The following RNF146 variants were observed in gnomAD, a reference collection of about 807,000 sequenced individuals.
The protein encoded by RNF146 is ring finger protein 146, also known as E3 ubiquitin-protein ligase RNF146.
RNF146 carries 11 observed loss-of-function variants against 29.7 expected under a neutral mutation model. The ratio of observed to expected loss-of-function variants is 0.37; its 90% confidence interval spans 0.23 to 0.61. The LOEUF (loss-of-function observed/expected upper bound fraction) is 0.61. RNF146 is among the 20% of genes least tolerant of loss of function. The probability of loss-of-function intolerance (pLI) is 0.66; values close to 1 mark genes in which losing one functional copy is unlikely to be tolerated. For synonymous variants in RNF146, 150 were observed against 159.7 expected (o/e 0.94, Z 0.46); for missense variants, 342 against 438.9 (o/e 0.78, Z 1.97).
chr6:127,286,952 G>A lies in RNF146; in HGVS notation c.339G>A (p.Gly113=). 4 of 1,613,482 alleles carry A rather than the reference G, an allele frequency of 2.5e-6. No homozygotes were observed. Among genetic ancestry groups the A allele is most frequent in the Middle Eastern group, 1.7e-4 (1 of 6,058 alleles). ...CATGGTATTATGAAGGAAGAAATGGGTGGTGGCAGTACGATGAGCGCACTA... is the reference window on the plus strand; with the variant it reads ...CATGGTATTATGAAGGAAGAAATGGATGGTGGCAGTACGATGAGCGCACTA... The part of the protein sequence containing the change: ...EYAWYYEGRN[G]WWQYDERTSR... Residue 113 remains glycine, a synonymous_variant, in exon 3 of 3, where the codon GGG becomes GGA. Coordinates refer to ENST00000368314, the MANE Select transcript of RNF146 (RefSeq NM_001242850.2). The surrounding 1 kb of genome is among the most constrained non-coding windows in gnomAD (Gnocchi z 4.6).
At chr6:127,275,122 G>T (rs1778023515) in intron 1 of RNF146, among the ~76,000 whole-genome samples, 1 of 152,140 alleles carries the variant, frequency 6.6e-6, no homozygotes, top group Non-Finnish European at 1.5e-5. Context: ...TCCTAGTGAA[G>T]AATCATAAGC....
At chr6:127,282,314 T>C (rs1012658640) in intron 2 of RNF146, 2 of 151,760 alleles carry the variant, frequency 1.3e-5, no homozygotes, top group African/African-American at 4.8e-5. Flanking sequence ...GATTCTGTGG[T>C]TGGCCCTTTT....
Position 127,286,265 on chromosome 6 carries a change from T to C in RNF146, c.3-351T>C. On this transcript the variant is annotated intron_variant, in intron 2 of 2. Transcript: ENST00000368314. The surrounding 1 kb of genome is among the most constrained non-coding windows in gnomAD (Gnocchi z 4.6). ...CTAAAACTCAGATTTTTAGATTTCT[T>C]GTCTAGCATTCATTTCACTGTATAA... 2 of 1,013,952 alleles carry C rather than the reference T, an allele frequency of 2.0e-6. No individual in the cohort carries two copies. Among genetic ancestry groups the C allele is most frequent in the Non-Finnish European group, 2.5e-6 (2 of 788,784 alleles). 62.8% of individuals were successfully genotyped at this position (1,013,952 alleles called of 1,614,324 possible). A position where few individuals can be genotyped will look rare whatever the true frequency, so the allele number is the denominator to read the frequency against.
rs1046896583 is a variant in RNF146 at position 127,286,701 on chromosome 6, C to T, written c.88C>T (p.Pro30Ser). 2 of 1,613,358 alleles carry T rather than the reference C, an allele frequency of 1.2e-6. No individual in the cohort carries two copies. The highest frequency in any genetic ancestry group is 1.1e-5 in the South Asian group (1 of 91,066). ...GAACGAGTCCTGTTCTAATACTGCA[C>T]CTTCTTTAACCGTCCCTGAATGTGC... Reference protein sequence around the residue: ...KANESCSNTAPSLTVPECAIC... With the variant: ...KANESCSNTASSLTVPECAIC... Residue 30 changes from proline (P) to serine (S), a missense_variant, in exon 3 of 3, where the codon CCT (proline) becomes TCT (serine). Pro to Ser is a moderately conservative substitution (Grantham distance 74). Transcript: ENST00000368314. This position sits in a 1 kb window ranked among gnomAD's most constrained non-coding sequence, Gnocchi z 4.6.
chr6:127,275,502 C>T (rs987096183), intron 1 of RNF146, among the ~76,000 whole-genome samples: 3 of 151,976 alleles, frequency 2.0e-5, no homozygotes, highest in Admixed American at 6.6e-5. Flanking sequence ...CAAAAAATAT[C>T]AGTTCAACAA....
At chr6:127,280,862 G>A (rs529217047) in intron 2 of RNF146, 5 of 151,874 alleles carry the variant, frequency 3.3e-5, no homozygotes, top group Admixed American at 3.3e-4. Flanking sequence ...ATCTTTGCAT[G>A]ATATGCTTTA....
Position 127,287,072 on chromosome 6 carries a change from T to A in RNF146, c.459T>A (p.Val153=). Residue 153 remains valine (V), a synonymous_variant, in exon 3 of 3, where the codon GTT becomes GTA. Transcript: ENST00000368314. ...ATGTCGCTGATCTTGAAAACATGGT[T>A]CAATATAGGAGAAATGAACATGGAC... is the stretch of plus-strand genomic sequence containing the variant. ...FLYVADLENM[V]QYRRNEHGRR... The A allele has an allele frequency of 6.2e-7, 1 of 1,613,198 alleles. No homozygotes were observed. Among genetic ancestry groups the A allele is most frequent in the Non-Finnish European group, 8.5e-7 (1 of 1,179,580 alleles).
At position 127,287,246 on chromosome 6, in the gene RNF146, T is replaced by G. The variant is rs769808714; in HGVS notation, c.633T>G (p.Ser211=). 7 of 1,613,430 alleles carry G rather than the reference T, an allele frequency of 4.3e-6. No homozygotes were observed. The highest frequency in any genetic ancestry group is 5.9e-6 in the Non-Finnish European group (7 of 1,179,646). The change falls in exon 3 of 3, where the codon TCT becomes TCG. Residue 211 remains serine, a synonymous_variant. Transcript: ENST00000368314. ...GTGTATCAGCACAGAGTGGAGCTTC[T>G]GTTCAGCCCCTAGTGTCTTCTGTAA... ...ADSVSAQSGA[S]VQPLVSSVRP... is the part of the protein sequence containing the mutation.
chr6:127,280,840 C>T (rs1365425377), intron 2 of RNF146: 3 of 151,906 alleles, frequency 2.0e-5, no homozygotes, highest in African/African-American at 7.3e-5. Flanking sequence ...ACTAGTTGTG[C>T]TTTCATCATT....
chr6:127,272,729 T>C (rs2114430374), intron 1 of RNF146, among the ~76,000 whole-genome samples: 2 of 152,314 alleles, frequency 1.3e-5, no homozygotes, highest in South Asian at 4.1e-4. Context: ...AAGAGGGCAG[T>C]ACAATTGACC....
rs760564081 is a variant in RNF146 at position 127,287,624 on chromosome 6, G to A, written c.1011G>A (p.Gly337=). 5.0e-6 allele frequency: 8 copies of A among 1,611,924 alleles called. No homozygotes were observed. The highest frequency in any genetic ancestry group is 3.3e-5 in the Admixed American group (2 of 59,800). The change falls in exon 3 of 3, where the codon GGG becomes GGA. Residue 337 remains glycine (G), a synonymous_variant. Coordinates refer to ENST00000368314, the MANE Select transcript of RNF146 (RefSeq NM_001242850.2). ...CGGGAACTGATCGATCAGTAGCAGG[G>A]GGTGGAACAGTGAGTGTCAGTGTCA... ...DRSGTDRSVA[G]GGTVSVSVRS... is the part of the protein sequence containing the mutation.
intron 1 of RNF146, among the ~76,000 whole-genome samples, chr6:127,271,380 T>A (rs1341113764): frequency 6.6e-6 from 1 of 152,200 alleles, no homozygotes; most frequent in African/African-American, 2.4e-5. Context: ...GATGGGTCAG[T>A]TTGGCAGAAT....
chr6:127,276,373 G>C (rs1778211126), intron 1 of RNF146, among the ~76,000 whole-genome samples: 1 of 151,994 alleles, frequency 6.6e-6, no homozygotes, highest in African/African-American at 2.4e-5. Flanking sequence ...GGTTGGTTGG[G>C]GTGGGGGAGC....
chr6:127,286,535 GGTTA>G lies in RNF146; in HGVS notation c.3-78_3-75del. 7 of 1,225,088 alleles carry G rather than the reference GGTTA, an allele frequency of 5.7e-6. No individual in the cohort carries two copies. Among genetic ancestry groups the G allele is most frequent in the Admixed American group, 4.6e-5 (2 of 43,710 alleles). 75.9% of individuals were successfully genotyped at this position (1,225,088 alleles called of 1,614,324 possible). ...CTTGCATATAATGCACATCATAGGT[GGTTA>G]GTGTTTTCATAATTGTTAAATTAAG... On this transcript the variant is annotated intron_variant, in intron 2 of 2. Coordinates refer to ENST00000368314, the MANE Select transcript of RNF146 (RefSeq NM_001242850.2). The surrounding 1 kb of genome is among the most constrained non-coding windows in gnomAD (Gnocchi z 4.6).
At chr6:127,276,912 A>G (rs1005514232) in intron 1 of RNF146, among the ~76,000 whole-genome samples, 1 of 152,078 alleles carries the variant, frequency 6.6e-6, no homozygotes, top group Non-Finnish European at 1.5e-5. Context: ...GTTTAAACCT[A>G]TGTCTACTGG....
At chr6:127,274,928 C>T (rs1777995948) in intron 1 of RNF146, among the ~76,000 whole-genome samples, 1 of 151,182 alleles carries the variant, frequency 6.6e-6, no homozygotes, top group Non-Finnish European at 1.5e-5. Flanking sequence ...CAGACGCTGT[C>T]TCTTAAAACA....
chr6:127,271,502 TAAAC>T (rs1166147528), intron 1 of RNF146, among the ~76,000 whole-genome samples: 2 of 152,326 alleles, frequency 1.3e-5, no homozygotes, highest in East Asian at 1.9e-4. Flanking sequence ...TTGTCTCTAT[TAAAC>T]AATTCCTGTA....
At chr6:127,275,464 A>G (rs1288471065) in intron 1 of RNF146, among the ~76,000 whole-genome samples, 1 of 152,086 alleles carries the variant, frequency 6.6e-6, no homozygotes, top group Non-Finnish European at 1.5e-5. Context: ...CACAATAGTT[A>G]CTTTTAGGAG....
In RNF146 at chr6:127,286,035, C is replaced by T. The variant is rs1416771531; in HGVS notation, c.3-581C>T. ...ACATCCAATTTGACAAATCTTTTTTCTTCTTCCTCTTCAGGGGATCTTCAA... is the reference window on the plus strand; with the variant it reads ...ACATCCAATTTGACAAATCTTTTTTTTTCTTCCTCTTCAGGGGATCTTCAA... On this transcript the variant is annotated intron_variant, in intron 2 of 2. Transcript: ENST00000368314. This position sits in a 1 kb window ranked among gnomAD's most constrained non-coding sequence, Gnocchi z 4.6. 2 of 1,227,202 alleles carry T rather than the reference C, an allele frequency of 1.6e-6. No individual in the cohort carries two copies. The highest frequency in any genetic ancestry group is 2.0e-6 in the Non-Finnish European group (2 of 984,604). 76.0% of individuals were successfully genotyped at this position (1,227,202 alleles called of 1,614,324 possible). A position where few individuals can be genotyped will look rare whatever the true frequency, so the allele number is the denominator to read the frequency against.
Sources: allele counts gnomAD v4.1 joint callset (sites outside exome capture counted in the v4.1 genomes callset), GRCh38; gene constraint gnomAD v4.1.1; non-coding constraint Gnocchi (gnomAD v3.1); transcripts MANE v1.5; gene names NCBI Gene and HGNC (gene_info 2026-07-23, HGNC 2026-07-21).